The following APOO variants were observed in gnomAD, a reference collection of about 807,000 sequenced individuals.
The protein encoded by APOO is apolipoprotein O, also known as MICOS complex subunit MIC26.
Under a neutral mutation model 23.1 loss-of-function variants are expected in APOO, and 11 were observed. That is an observed-to-expected ratio of 0.48 (90% CI 0.30 to 0.79). The LOEUF is 0.79. APOO is among the 30% of genes least tolerant of loss of function. The pLI is 0.07. For synonymous variants in APOO, 59 were observed against 54.8 expected (o/e 1.08, Z -0.34); for missense variants, 160 against 142.7 (o/e 1.12, Z -0.62).
At chrX:23,893,459 C>A (rs974732894) in intron 1 of APOO, among the ~76,000 whole-genome samples, 9 of 110,686 alleles carry the variant, frequency 8.1e-5, no homozygotes, top group African/African-American at 3.0e-4. Context: ...AAATAAAAAT[C>A]AAGAGAAATG....
chrX:23,868,051 TAAC>T (rs1413940531), intron 5 of APOO, among the ~76,000 whole-genome samples: 10 of 112,539 alleles, frequency 8.9e-5, no homozygotes, highest in Non-Finnish European at 1.9e-4. Flanking sequence ...AAGTAGTTGA[TAAC>T]AAATTCATCT....
chrX:23,862,429 A>G (rs754824328), intron 5 of APOO, among the ~76,000 whole-genome samples: 2 of 111,213 alleles, frequency 1.8e-5, no homozygotes, highest in South Asian at 7.5e-4. Flanking sequence ...AAATAACTCA[A>G]TTGCTAATTA....
At chrX:23,887,484 G>A (rs1207493802) in intron 1 of APOO, among the ~76,000 whole-genome samples, 4 of 109,619 alleles carry the variant, frequency 3.6e-5, no homozygotes, top group African/African-American at 1.3e-4. Flanking sequence ...CGTCCGCCTC[G>A]GCCTCCTAAA....
Position 23,858,663 on chromosome X carries a change from T to C in APOO, c.459A>G (p.Gln153=), listed in dbSNP as rs1285868870. The change falls in exon 6 of 9, where the codon CAA becomes CAG. Residue 153 remains glutamine (Q), a synonymous_variant. Transcript: ENST00000379226. ...MGLAASLYYP[Q]QAIVFAQVSG... The stretch of plus-strand genomic sequence containing the variant: ...TTACCTGGGCAAACACGATGGCTTG[T>C]TGTGGATAATAGAGGGAGGCAGCTA... 5 of 1,209,414 alleles carry C rather than the reference T, an allele frequency of 4.1e-6. No individual in the cohort carries two copies. The highest frequency in any genetic ancestry group is 4.4e-5 in the Admixed American group (2 of 45,574).
chrX:23,862,588 C>T (rs1294028490), intron 5 of APOO, among the ~76,000 whole-genome samples: 1 of 103,968 alleles, frequency 9.6e-6, no homozygotes, highest in East Asian at 3.1e-4. Context: ...CCAGCCTGGG[C>T]AACATGGTGA....
intron 8 of APOO, among the ~76,000 whole-genome samples, chrX:23,839,449 C>A (rs1393033404): frequency 1.8e-5 from 2 of 110,669 alleles, no homozygotes; most frequent in East Asian, 5.6e-4. Context: ...CTTTGGGTCT[C>A]CAAAAATATA....
chrX:23,880,829 A>G lies in APOO; in HGVS notation c.117+16T>C, dbSNP rs16982839. 0.2 allele frequency: 216,688 copies of G among 1,089,686 alleles called. 17,836 individuals carry two copies. Among genetic ancestry groups the G allele is most frequent in the African/African-American group, 0.52 (27,745 of 53,574 alleles). 89.8% of individuals were successfully genotyped at this position (1,089,686 alleles called of 1,213,427 possible). On this transcript the variant is annotated intron_variant, in intron 2 of 8. Transcript: ENST00000379226. ...TCAGACACTCAAAATATATCGCAACATGAACAACATGTTACCTCATCAACC... is the reference window on the plus strand; with the variant it reads ...TCAGACACTCAAAATATATCGCAACGTGAACAACATGTTACCTCATCAACC...
intron 7 of APOO, among the ~76,000 whole-genome samples, chrX:23,849,583 TAAAAAA>T (rs143362355): frequency 4.6e-4 from 15 of 32,603 alleles, no homozygotes; most frequent in Admixed American, 1.7e-3. Context: ...AAGAGAGACT[TAAAAAA>T]AAAAAAAAAA....
In APOO at chrX:23,862,888, G is replaced by A. The variant is rs1424519480; in HGVS notation, c.389-4155C>T. Among the ~76,000 whole-genome samples the A allele has an allele frequency of 6.7e-5, 4 of 59,662 alleles. No individual in the cohort carries two copies. The South Asian group carries it at 4.5e-3, about 67-fold the overall frequency. 51.8% of individuals were successfully genotyped at this position (59,662 alleles called of 115,157 possible). On this transcript the variant is annotated intron_variant, in intron 5 of 8. Transcript: ENST00000379226. ...AGGGAGGGATGCAGGGGATGGAAGG[G>A]GAGGGAGGAGGGAAGGGGAGGGAGA...
At chrX:23,852,098 G>A (rs1482516538) in intron 7 of APOO, among the ~76,000 whole-genome samples, 1 of 109,885 alleles carries the variant, frequency 9.1e-6, no homozygotes. Flanking sequence ...TAATTTTTGT[G>A]TTTTCAGTAG....
intron 7 of APOO, among the ~76,000 whole-genome samples, chrX:23,850,970 TTATA>T (rs764306274): frequency 9.0e-6 from 1 of 111,013 alleles, no homozygotes; most frequent in Non-Finnish European, 1.9e-5. Flanking sequence ...CTAGATAAAC[TTATA>T]TATATATAAT....
In APOO at chrX:23,837,213, C is replaced by A. The variant is rs761320872; in HGVS notation, c.*29+3100G>T. The A allele has an allele frequency of 7.3e-5, 66 of 902,929 alleles. No individual in the cohort carries two copies. The African/African-American group carries it at 1.1e-3, about 15-fold the overall frequency. The allele number at this position is 902,929 out of a possible 1,213,427, so 74.4% of individuals were successfully genotyped here. On this transcript the variant is annotated intron_variant, in intron 8 of 8. Coordinates refer to ENST00000379226, the MANE Select transcript of APOO (RefSeq NM_024122.5). ...GTTCTACATTGATGTGATTGAAGTC[C>A]CTCCGCAGGGTTCCTCTGGGGCCCT...
At position 23,880,831 on chromosome X, in the gene APOO, GAAC is replaced by G. The variant is rs1251932712; in HGVS notation, c.117+11_117+13del. 28 of 1,101,308 alleles carry G rather than the reference GAAC, an allele frequency of 2.5e-5. No homozygotes were observed. Among genetic ancestry groups the G allele is most frequent in the Non-Finnish European group, 3.4e-5 (28 of 830,496 alleles). The allele number at this position is 1,101,308 out of a possible 1,213,427, so 90.8% of individuals were successfully genotyped here. ...AGACACTCAAAATATATCGCAACATGAACAACATGTTACCTCATCAACCTTCAC... is the reference window on the plus strand; with the variant it reads ...AGACACTCAAAATATATCGCAACATGAACATGTTACCTCATCAACCTTCAC... On this transcript the variant is annotated intron_variant, in intron 2 of 8. Transcript: ENST00000379226.
chrX:23,837,432 G>C, intron 8 of APOO: 2 of 482,742 alleles, frequency 4.1e-6, no homozygotes, highest in Non-Finnish European at 6.9e-6. Flanking sequence ...GGTGAAGTGG[G>C]AGGATCACCT....
intron 1 of APOO, among the ~76,000 whole-genome samples, chrX:23,901,916 C>A (rs1479127883): frequency 8.9e-6 from 1 of 112,379 alleles, no homozygotes; most frequent in Non-Finnish European, 1.9e-5. Context: ...TCTCACACTT[C>A]TGTGTCCTTG....
chrX:23,847,673 C>T (rs1407444229), intron 7 of APOO, among the ~76,000 whole-genome samples: 1 of 108,088 alleles, frequency 9.3e-6, no homozygotes, highest in East Asian at 2.9e-4. Context: ...CTCTGTCACC[C>T]AGGCTGGAGT....
At chrX:23,850,090 A>G (rs1051725219) in intron 7 of APOO, among the ~76,000 whole-genome samples, 1 of 111,981 alleles carries the variant, frequency 8.9e-6, no homozygotes, top group Admixed American at 9.6e-5. Context: ...TTAGATACAG[A>G]TGGAAAATGC....
chrX:23,847,653 C>T (rs984054061), intron 7 of APOO, among the ~76,000 whole-genome samples: 1 of 107,760 alleles, frequency 9.3e-6, no homozygotes, highest in Admixed American at 1.0e-4. Context: ...AGAAAAGAAA[C>T]AGGGTCTCGC....
intron 1 of APOO, among the ~76,000 whole-genome samples, chrX:23,884,278 G>C (rs932142039): frequency 4.5e-5 from 5 of 110,936 alleles, no homozygotes; most frequent in Non-Finnish European, 9.4e-5. Context: ...TTATGGTGCT[G>C]CTAAAACAAT....
Sources: gnomAD v4.1 joint callset for allele counts (sites outside exome capture counted in the v4.1 genomes callset) on GRCh38, gnomAD v4.1.1 for gene constraint, MANE v1.5 for transcripts, NCBI Gene and HGNC (gene_info 2026-07-23, HGNC 2026-07-21) for gene names.